EYS: variants seen among roughly 807,000 people sequenced by gnomAD.
The protein encoded by EYS is EGF-like photoreceptor maintenance factor, also known as protein eyes shut homolog.
EYS carries 250 observed loss-of-function variants against 282.1 expected under a neutral mutation model. The ratio of observed to expected loss-of-function variants is 0.89; its 90% CI spans 0.80 to 0.98. The LOEUF is 0.98. Among genes scored for constraint, EYS ranks in the 50% least tolerant of loss-of-function variants. The pLI is 0.00. For synonymous variants in EYS, 1,355 were observed against 1,282.9 expected, an observed-to-expected ratio of 1.06 and a Z score of -1.20; for missense variants, 4,016 against 3,709.0, an observed-to-expected ratio of 1.08 and a Z score of -2.15.
chr6:65,196,650 A>C (rs1370539289), intron 12 of EYS, among the ~76,000 whole-genome samples: 1 of 152,072 alleles, frequency 6.6e-6, no homozygotes, highest in Admixed American at 6.6e-5. Flanking sequence ...AAACACACAC[A>C]TAAATGTATT....
At chr6:64,340,190 T>C (rs1582622987) in intron 29 of EYS, among the ~76,000 whole-genome samples, 1 of 140,486 alleles carries the variant, frequency 7.1e-6, no homozygotes, top group Admixed American at 7.1e-5. Flanking sequence ...TGTGTGTGTG[T>C]AAAAAAAAAA....
intron 1 of EYS, among the ~76,000 whole-genome samples, chr6:65,673,853 A>C (rs879349092): frequency 1.3e-5 from 2 of 152,042 alleles, no homozygotes; most frequent in Non-Finnish European, 2.9e-5. Context: ...CCATACAGTG[A>C]AAGTGTCTAA....
At chr6:64,091,997 A>G (rs1398367137) in intron 31 of EYS, among the ~76,000 whole-genome samples, 1 of 151,922 alleles carries the variant, frequency 6.6e-6, no homozygotes, top group African/African-American at 2.4e-5. Flanking sequence ...GAGAACATGC[A>G]GTGTTTGGTT....
At chr6:64,618,921 G>C (rs1036389447) in intron 23 of EYS, among the ~76,000 whole-genome samples, 4 of 152,098 alleles carry the variant, frequency 2.6e-5, no homozygotes, top group African/African-American at 7.2e-5. Context: ...ACATATTATT[G>C]AGCATAAAAA....
intron 35 of EYS, among the ~76,000 whole-genome samples, chr6:63,943,086 A>G (rs961827970): frequency 6.6e-6 from 1 of 152,166 alleles, no homozygotes; most frequent in Non-Finnish European, 1.5e-5. Flanking sequence ...ATTAGTAGTT[A>G]CGCTTCTGAG....
chr6:65,311,688 T>C (rs1769165113), intron 11 of EYS, among the ~76,000 whole-genome samples: 1 of 152,228 alleles, frequency 6.6e-6, no homozygotes, highest in Admixed American at 6.5e-5. Context: ...ATGATAACTG[T>C]CAGGGCCAAT....
intron 33 of EYS, among the ~76,000 whole-genome samples, chr6:64,028,193 T>A (rs141855798): frequency 2.7e-5 from 4 of 149,918 alleles, no homozygotes; most frequent in African/African-American, 9.8e-5. Flanking sequence ...AGGGAATCAA[T>A]CCTGAAGTCT....
chr6:63,792,381 A>G (rs1582211893), intron 37 of EYS, among the ~76,000 whole-genome samples: 1 of 152,074 alleles, frequency 6.6e-6, no homozygotes, highest in Non-Finnish European at 1.5e-5. Flanking sequence ...AAAGCAGTTT[A>G]CTGTCACAGC....
At chr6:64,497,716 A>G (rs1258663527) in intron 26 of EYS, among the ~76,000 whole-genome samples, 1 of 152,144 alleles carries the variant, frequency 6.6e-6, no homozygotes, top group Non-Finnish European at 1.5e-5. Flanking sequence ...GGCATGTTAC[A>G]ATAACAACCC....
chr6:65,415,764 G>T (rs959897691), intron 5 of EYS, among the ~76,000 whole-genome samples: 2 of 152,038 alleles, frequency 1.3e-5, no homozygotes, highest in African/African-American at 4.8e-5. Context: ...TAATGAAAGG[G>T]GTGGAAGTTT....
chr6:64,034,190 G>A (rs1770002474), intron 33 of EYS, among the ~76,000 whole-genome samples: 1 of 152,108 alleles, frequency 6.6e-6, no homozygotes, highest in African/African-American at 2.4e-5. Context: ...AAATAAAGTT[G>A]AAGACAGAAT....
At chr6:64,194,586 C>A (rs1007083261) in intron 31 of EYS, among the ~76,000 whole-genome samples, 1 of 151,824 alleles carries the variant, frequency 6.6e-6, no homozygotes, top group Non-Finnish European at 1.5e-5. Flanking sequence ...TTGGTTTTTG[C>A]TTTTTAATAT....
intron 22 of EYS, among the ~76,000 whole-genome samples, chr6:64,641,681 G>A (rs1432258894): frequency 6.6e-6 from 1 of 152,118 alleles, no homozygotes; most frequent in Non-Finnish European, 1.5e-5. Flanking sequence ...CACCCAGGCT[G>A]GGGACTGGTA....
At chr6:64,821,054 C>G (rs74843451) in intron 21 of EYS, among the ~76,000 whole-genome samples, 6,130 of 151,992 alleles carry the variant, frequency 0.04, 155 homozygotes, top group East Asian at 0.097. Flanking sequence ...TCACAAGATT[C>G]TCATCCACCA....
intron 26 of EYS, among the ~76,000 whole-genome samples, chr6:64,554,606 G>A (rs1230341101): frequency 6.6e-6 from 1 of 151,760 alleles, no homozygotes; most frequent in East Asian, 1.9e-4. Context: ...TTGTGGAATA[G>A]GAAAAAATAT....
intron 12 of EYS, among the ~76,000 whole-genome samples, chr6:65,215,613 C>T (rs1165514876): frequency 3.3e-5 from 5 of 152,108 alleles, no homozygotes; most frequent in African/African-American, 4.8e-5. Flanking sequence ...AAGGGAATTG[C>T]CTTAAATTTT....
intron 12 of EYS, among the ~76,000 whole-genome samples, chr6:65,182,538 T>C (rs1765416054): frequency 6.6e-6 from 1 of 151,844 alleles, no homozygotes; most frequent in Non-Finnish European, 1.5e-5. Flanking sequence ...TTTCATGATT[T>C]TTTAAATTTC....
intron 36 of EYS, chr6:63,822,743 A>G (rs538717663): frequency 6.6e-6 from 1 of 152,324 alleles, no homozygotes; most frequent in South Asian, 2.1e-4. Context: ...GATTATTTTT[A>G]TCTCATTGCA....
rs147599183 is a variant in EYS, at chr6:65,245,720, G to A, written c.2023+50143C>T. ...AGTAAAAAAAAAAATTGAGGTACTA[G>A]CAGGATGTTTAGATATTTATAGCTT... is the stretch of plus-strand genomic sequence containing the variant. On this transcript the variant is annotated intron_variant, in intron 12 of 42. Transcript: ENST00000503581. 3.9e-3 allele frequency among the ~76,000 whole-genome samples: 588 copies of A among 151,886 alleles called. 2 individuals carry two copies. Among genetic ancestry groups the A allele is most frequent in the Middle Eastern group, 0.024 (7 of 294 alleles).
Sources: gnomAD v4.1 joint callset for allele counts (sites outside exome capture counted in the v4.1 genomes callset) on GRCh38, gnomAD v4.1.1 for gene constraint, MANE v1.5 for transcripts, NCBI Gene and HGNC (gene_info 2026-07-23, HGNC 2026-07-21) for gene names.